Variants in PPP1R37 observed in about 807,000 individuals in gnomAD.
PPP1R37 encodes the protein leucine rich repeat containing 68.
PPP1R37 carries 21 observed loss-of-function variants against 61.0 expected under a neutral mutation model. That is an observed-to-expected ratio of 0.34 (90% confidence interval 0.24 to 0.50). The LOEUF (loss-of-function observed/expected upper bound fraction) is 0.50, where lower values mean the gene tolerates loss of function less well. Among genes scored for constraint, PPP1R37 ranks in the 20% least tolerant of loss-of-function variants. The probability of loss-of-function intolerance (pLI) is 0.98; values close to 1 mark genes in which losing one functional copy is unlikely to be tolerated. For missense variants in PPP1R37, 910 were observed against 952.7 expected (o/e 0.96, Z 0.59); for synonymous variants, 443 against 433.5 (o/e 1.02, Z -0.27).
intron 7 of PPP1R37, 57 bp from the exon 8 acceptor site, chr19:45,143,464 C>G: frequency 9.4e-7 from 1 of 1,065,164 alleles, no homozygotes; most frequent in Non-Finnish European, 1.4e-6. Flanking sequence ...CCCTGCAGTC[C>G]CCTCCCCAGG....
Position 45,093,495 on chromosome 19 carries a change from G to T in PPP1R37, c.170G>T (p.Gly57Val), listed in dbSNP as rs1414998828. The change falls in exon 1 of 13, where the codon GGA (glycine) becomes GTA (valine). Residue 57 changes from glycine (G) to valine (V), a missense_variant. Gly to Val is a moderately radical substitution (Grantham distance 109, BLOSUM62 -3). Transcript: ENST00000221462. ...CCGTCCGACGAGGATATCGTGTCTG[G>T]AGCAGTGGAGCCCAAAGACCCCTGG... ...TFPSDEDIVSGAVEPKDPWRH... is the reference protein window; with the variant it reads ...TFPSDEDIVSVAVEPKDPWRH... 6.5e-7 allele frequency: 1 copy of T among 1,535,420 alleles called. No homozygotes were observed. The highest frequency in any genetic ancestry group is 1.4e-5 in the African/African-American group (1 of 73,114).
In PPP1R37 at chr19:45,093,403, GTC is replaced by G; in HGVS notation, c.81_82del (p.Pro28GlnfsTer89). ...DIEEAPAEAG[S>X]PSPASPPADG... Reference sequence around the variant, plus strand: ...TTGAAGAGGCCCCAGCTGAGGCCGGGTCTCCCAGCCCCGCGTCGCCCCCCGCC... The same window carrying G: ...TTGAAGAGGCCCCAGCTGAGGCCGGGTCCCAGCCCCGCGTCGCCCCCCGCC... On this transcript the variant is annotated frameshift_variant, in exon 1 of 13. Transcript: ENST00000221462. LOFTEE classifies it high-confidence loss of function. The G allele has an allele frequency of 6.5e-7, 1 of 1,534,134 alleles. No individual in the cohort carries two copies. Among genetic ancestry groups the G allele is most frequent in the Non-Finnish European group, 8.7e-7 (1 of 1,146,002 alleles).
Position 45,145,812 on chromosome 19 carries a change from T to TCCCCCCCCCCCCCC in PPP1R37, c.1761_1762insCCCCCCCCCCCCCC (p.Thr588ProfsTer55). On this transcript the variant is annotated frameshift_variant, in exon 11 of 13. Transcript: ENST00000221462. LOFTEE classifies it high-confidence loss of function. ...GCCCGAGAGGGCAGAGCCCCCTGCGTCCCCCACCCCTCCCTCTCCCCCACC... is the reference window on the plus strand; with the variant it reads ...GCCCGAGAGGGCAGAGCCCCCTGCGTCCCCCCCCCCCCCCCCCCCACCCCTCCCTCTCCCCCACC... The TCCCCCCCCCCCCCC allele has an allele frequency of 1.6e-6, 2 of 1,227,586 alleles. No homozygotes were observed. Among genetic ancestry groups the TCCCCCCCCCCCCCC allele is most frequent in the South Asian group, 3.1e-5 (2 of 64,836 alleles). 76.0% of individuals were successfully genotyped at this position (1,227,586 alleles called of 1,614,324 possible).
chr19:45,112,851 G>C (rs1235142610), intron 1 of PPP1R37, among the ~76,000 whole-genome samples: 9 of 152,224 alleles, frequency 5.9e-5, no homozygotes, highest in Admixed American at 5.9e-4. Flanking sequence ...GGGTGAAGCA[G>C]GTACTGTTGA....
intron 1 of PPP1R37, chr19:45,136,458 A>G (rs3925162): frequency 0.26 from 38,832 of 152,066 alleles, 5,424 homozygotes; most frequent in African/African-American, 0.33. Flanking sequence ...GGTTAAGACC[A>G]GGGCATGCAT....
chr19:45,139,721 G>A (rs183597191), intron 2 of PPP1R37, among the ~76,000 whole-genome samples: 67 of 152,354 alleles, frequency 4.4e-4, no homozygotes, highest in East Asian at 3.7e-3. Flanking sequence ...GACCCCATCG[G>A]CCTGGTTCAG....
At chr19:45,099,981 A>C (rs10410424) in intron 1 of PPP1R37, 2 of 152,180 alleles carry the variant, frequency 1.3e-5, no homozygotes, top group Non-Finnish European at 1.5e-5. Context: ...GTGCGTGTGC[A>C]CTTGTTTCTG....
intron 1 of PPP1R37, among the ~76,000 whole-genome samples, chr19:45,138,275 T>TA (rs965269996): frequency 3.3e-5 from 5 of 152,096 alleles, no homozygotes; most frequent in African/African-American, 1.2e-4. Flanking sequence ...TGAAGGTGCT[T>TA]GGAGCGGAGG....
At chr19:45,113,496 ACTT>A (rs1291812989) in intron 1 of PPP1R37, among the ~76,000 whole-genome samples, 2 of 152,178 alleles carry the variant, frequency 1.3e-5, no homozygotes, top group Non-Finnish European at 2.9e-5. Context: ...GCAAATCTGA[ACTT>A]CACTCCTGGC....
At position 45,116,047 on chromosome 19, in the gene PPP1R37, G is replaced by C. The variant is rs190332690; in HGVS notation, c.203-22467G>C. ...AGCACACTGCTTGACTGGGGACCCA[G>C]GGATTAAGGCCTTGACTTCCGCTTT... On this transcript the variant is annotated intron_variant, in intron 1 of 12. Coordinates refer to ENST00000221462, the MANE Select transcript of PPP1R37 (RefSeq NM_019121.2). 2.8e-3 allele frequency among the ~76,000 whole-genome samples: 422 copies of C among 152,180 alleles called. 5 individuals are homozygous for C. The highest frequency in any genetic ancestry group is 9.7e-3 in the African/African-American group (402 of 41,534).
chr19:45,104,838 G>T (rs924085323), intron 1 of PPP1R37, among the ~76,000 whole-genome samples: 1 of 152,026 alleles, frequency 6.6e-6, no homozygotes, highest in Non-Finnish European at 1.5e-5. Flanking sequence ...CCTAGAACAC[G>T]CAGGCAGCTC....
In PPP1R37 at chr19:45,145,578, GACT is replaced by G; in HGVS notation, c.1523_1525del (p.Asp508_Ser509delinsAla). 1 of 1,535,896 alleles carries G rather than the reference GACT, an allele frequency of 6.5e-7. No individual in the cohort carries two copies. The highest frequency in any genetic ancestry group is 1.4e-5 in the African/African-American group (1 of 73,112). ...CGCACCCAGCCCGGACTCAGACTCA[GACT>G]CGGACTCGGATGGGGAGGAAGAGGA... On this transcript the variant is annotated inframe_deletion, in exon 11 of 13. Coordinates refer to ENST00000221462, the MANE Select transcript of PPP1R37 (RefSeq NM_019121.2).
At chr19:45,122,960 A>G (rs1486283376) in intron 1 of PPP1R37, among the ~76,000 whole-genome samples, 2 of 152,164 alleles carry the variant, frequency 1.3e-5, no homozygotes, top group Non-Finnish European at 2.9e-5. Context: ...TGCATCAGGC[A>G]GCCTCCTGCA....
In PPP1R37 at chr19:45,146,266, C is replaced by G. The variant is rs575253692; in HGVS notation, c.1994-124C>G. On this transcript the variant is annotated intron_variant, in intron 11 of 12. Coordinates refer to ENST00000221462, the MANE Select transcript of PPP1R37 (RefSeq NM_019121.2). Reference sequence around the variant, plus strand: ...GGCATGTAAGGTGTGCTGCCTTGAGCCTGACCATCTCAGCGGTCTCTGGGC... The same window carrying G: ...GGCATGTAAGGTGTGCTGCCTTGAGGCTGACCATCTCAGCGGTCTCTGGGC... The G allele has an allele frequency of 1.2e-5, 12 of 978,984 alleles. No homozygotes were observed. The South Asian group carries it at 2.0e-4, about 16-fold the overall frequency. 60.6% of individuals were successfully genotyped at this position (978,984 alleles called of 1,614,324 possible).
chr19:45,102,211 G>A (rs1389369899), intron 1 of PPP1R37, among the ~76,000 whole-genome samples: 1 of 152,198 alleles, frequency 6.6e-6, no homozygotes, highest in Non-Finnish European at 1.5e-5. Context: ...GTGGCTTAGC[G>A]CAATATCGGT....
intron 1 of PPP1R37, among the ~76,000 whole-genome samples, chr19:45,114,571 C>T (rs1174791254): frequency 2.6e-5 from 4 of 152,230 alleles, no homozygotes; most frequent in Non-Finnish European, 5.9e-5. Flanking sequence ...GCTCTGCAGA[C>T]ACCCCAAATA....
rs1968340718 is a variant in PPP1R37, at chr19:45,121,374, C to T, written c.203-17140C>T. On this transcript the variant is annotated intron_variant, in intron 1 of 12. Coordinates refer to ENST00000221462, the MANE Select transcript of PPP1R37 (RefSeq NM_019121.2). The surrounding 1 kb of genome is among the most constrained non-coding windows in gnomAD (Gnocchi z 4.2). ...GGCAGTGCATGTGTCAGCCATGGCC[C>T]TCGGCTGTAAGCCCAGAAACAGACC... is the stretch of plus-strand genomic sequence containing the variant. 6.6e-6 allele frequency among the ~76,000 whole-genome samples: 1 copy of T among 152,258 alleles called. No homozygotes were observed. Among genetic ancestry groups the T allele is most frequent in the Admixed American group, 6.5e-5 (1 of 15,292 alleles).
intron 1 of PPP1R37, among the ~76,000 whole-genome samples, chr19:45,103,832 C>T (rs1458756079): frequency 7.0e-6 from 1 of 142,390 alleles, no homozygotes; most frequent in Non-Finnish European, 1.6e-5. Context: ...GTGCCAAGGC[C>T]ACACAGGTAG....
In PPP1R37 at chr19:45,145,304, C is replaced by T. The variant is rs1029388646; in HGVS notation, c.1296+44C>T. ...TGCAGCCCTGGGGCGGGCGGAAGGC[C>T]GGGTGGTGGGGCCGGCCTGAGAGCC... On this transcript the variant is annotated intron_variant, in intron 10 of 12. Transcript: ENST00000221462. 48 of 1,520,600 alleles carry T rather than the reference C, an allele frequency of 3.2e-5. No homozygotes were observed. The African/African-American group carries it at 5.1e-4, about 16-fold the overall frequency. 94.2% of individuals were successfully genotyped at this position (1,520,600 alleles called of 1,614,324 possible).
Sources: gnomAD v4.1 joint callset for allele counts (sites outside exome capture counted in the v4.1 genomes callset) on GRCh38, gnomAD v4.1.1 for gene constraint, Gnocchi (gnomAD v3.1) non-coding constraint, MANE v1.5 for transcripts, NCBI Gene and HGNC (gene_info 2026-07-23, HGNC 2026-07-21) for gene names.